MCU: variants seen among roughly 807,000 people sequenced by gnomAD.
MCU encodes the protein calcium uniporter protein, mitochondrial.
In MCU, 12 loss-of-function variants were observed where a neutral mutation model predicts 45.2. The observed-to-expected ratio is 0.27, with a 90% CI of 0.17 to 0.43. The LOEUF is 0.43. MCU is among the 20% of genes least tolerant of loss of function. The probability of loss-of-function intolerance (pLI) is 1.00; values close to 1 mark genes in which losing one functional copy is unlikely to be tolerated. For missense variants in MCU, 324 were observed against 436.7 expected (o/e 0.74, Z 2.30); for synonymous variants, 160 against 165.1 (o/e 0.97, Z 0.24).
intron 1 of MCU, among the ~76,000 whole-genome samples, chr10:72,771,591 C>T (rs531822106): frequency 6.6e-6 from 1 of 152,198 alleles, no homozygotes; most frequent in South Asian, 2.1e-4. Flanking sequence ...TTGGTGGACA[C>T]CTTTTTTGTT....
At position 72,868,715 on chromosome 10, in the gene MCU, A is replaced by C. The variant is rs377256530; in HGVS notation, c.509A>C (p.His170Pro). The C allele has an allele frequency of 6.2e-7, 1 of 1,613,194 alleles. No homozygotes were observed. Among genetic ancestry groups the C allele is most frequent in the African/African-American group, 1.3e-5 (1 of 74,876 alleles). Residue 170 changes from histidine to proline, a missense_variant, in exon 5 of 8, where the codon CAT becomes CCT. His to Pro is a moderately conservative substitution (Grantham distance 77). Transcript: ENST00000373053. ...ACTTTTGTTTCAGACCTCTTAAGTC[A>C]TGAAAATGCAGCAACGCTGAATGAT... is the stretch of plus-strand genomic sequence containing the variant. ...VRPPKRDLLS[H>P]ENAATLNDVK...
At chr10:72,703,435 C>G (rs139531054) in intron 1 of MCU, among the ~76,000 whole-genome samples, 1 of 152,330 alleles carries the variant, frequency 6.6e-6, no homozygotes, top group Non-Finnish European at 1.5e-5. Context: ...GCTTCAGATC[C>G]TGTCTCTTAA....
At chr10:72,869,940 A>C (rs1308987628) in intron 5 of MCU, among the ~76,000 whole-genome samples, 1 of 152,194 alleles carries the variant, frequency 6.6e-6, no homozygotes, top group African/African-American at 2.4e-5. Context: ...TGTGCATACT[A>C]TGATCCAATT....
At chr10:72,881,481 G>A (rs555482372) in intron 6 of MCU, among the ~76,000 whole-genome samples, 2 of 152,230 alleles carry the variant, frequency 1.3e-5, no homozygotes, top group African/African-American at 4.8e-5. Context: ...TTGAACCCAG[G>A]AGTTTGAGGC....
intron 2 of MCU, among the ~76,000 whole-genome samples, chr10:72,856,625 T>TA (rs1845293945): frequency 6.6e-6 from 1 of 152,030 alleles, no homozygotes; most frequent in Admixed American, 6.6e-5. Context: ...TTTTGACTCT[T>TA]ACTTTATTTT....
intron 2 of MCU, among the ~76,000 whole-genome samples, chr10:72,840,318 C>T (rs1414068983): frequency 3.3e-5 from 5 of 152,152 alleles, no homozygotes; most frequent in African/African-American, 1.2e-4. Context: ...TGTTTATTAA[C>T]CATTCAGATA....
intron 2 of MCU, among the ~76,000 whole-genome samples, chr10:72,855,948 C>T (rs1156386619): frequency 6.6e-6 from 1 of 152,060 alleles, no homozygotes; most frequent in Non-Finnish European, 1.5e-5. Context: ...TGCAAATAAT[C>T]ATAAAAGCTT....
chr10:72,712,781 ATC>A (rs1278260105), intron 1 of MCU, among the ~76,000 whole-genome samples: 1 of 152,158 alleles, frequency 6.6e-6, no homozygotes, highest in Non-Finnish European at 1.5e-5. Context: ...TAAAAAGACA[ATC>A]TCTGATAAAA....
chr10:72,698,633 T>C (rs2132645649), intron 1 of MCU, among the ~76,000 whole-genome samples: 1 of 152,164 alleles, frequency 6.6e-6, no homozygotes, highest in Admixed American at 6.5e-5. Flanking sequence ...GCCTCCCGAG[T>C]AGATGGGGCT....
intron 6 of MCU, among the ~76,000 whole-genome samples, chr10:72,878,111 C>CTTTTTTTTT (rs10715401): frequency 2.6e-5 from 2 of 77,952 alleles, no homozygotes; most frequent in Non-Finnish European, 4.6e-5. Flanking sequence ...AATAATTTTG[C>CTTTTTTTTT]TTTTTTTTTT....
chr10:72,692,325 C>G, intron 1 of MCU, 24 bp downstream of exon 1: 1 of 1,200,816 alleles, frequency 8.3e-7, no homozygotes, highest in Non-Finnish European at 1.0e-6. Flanking sequence ...CCCGGAGGCT[C>G]CGGGGAGGGC....
At chr10:72,707,886 C>A (rs1297946861) in intron 1 of MCU, among the ~76,000 whole-genome samples, 3 of 151,922 alleles carry the variant, frequency 2.0e-5, no homozygotes, top group African/African-American at 4.8e-5. Context: ...GTTGTCCAGA[C>A]TGGTCTTGAA....
intron 1 of MCU, among the ~76,000 whole-genome samples, chr10:72,760,906 A>T (rs1041238475): frequency 6.6e-5 from 10 of 151,936 alleles, no homozygotes; most frequent in African/African-American, 2.4e-4. Flanking sequence ...CCAAGATCTT[A>T]CAATTAGTAA....
At chr10:72,855,179 C>T (rs1845268770) in intron 2 of MCU, among the ~76,000 whole-genome samples, 1 of 151,978 alleles carries the variant, frequency 6.6e-6, no homozygotes, top group Non-Finnish European at 1.5e-5. Flanking sequence ...GTGGAGGTTG[C>T]AGTGAGCCAA....
rs1182732766 is a variant in MCU at position 72,886,569 on chromosome 10, G to A, written c.*747G>A. On this transcript the variant is annotated 3_prime_UTR_variant, in exon 8 of 8. Coordinates refer to ENST00000373053, the MANE Select transcript of MCU (RefSeq NM_138357.3). ...TTTATTAATTAGTCTTTCACAGGAGGAATAATTGCCCTCCTTTATATACTT... is the reference window on the plus strand; with the variant it reads ...TTTATTAATTAGTCTTTCACAGGAGAAATAATTGCCCTCCTTTATATACTT... 1 of 152,280 alleles carries A rather than the reference G, an allele frequency of 6.6e-6. No homozygotes were observed. The highest frequency in any genetic ancestry group is 1.5e-5 in the Non-Finnish European group (1 of 68,022). The allele number at this position is 152,280 out of a possible 1,614,324, so 9.4% of individuals were successfully genotyped here.
At chr10:72,718,830 A>G (rs1461067181) in intron 1 of MCU, among the ~76,000 whole-genome samples, 1 of 152,236 alleles carries the variant, frequency 6.6e-6, no homozygotes, top group East Asian at 1.9e-4. Flanking sequence ...AACTACATAT[A>G]AAAATGCATG....
In MCU at chr10:72,862,351, A is replaced by G. The variant is rs141983207; in HGVS notation, c.496+1824A>G. 3.9e-4 allele frequency among the ~76,000 whole-genome samples: 60 copies of G among 152,154 alleles called. 1 individual carries two copies. In the East Asian group the frequency reaches 6.6e-3, roughly 17 times the overall value. ...TCATTGTAACTCACTGCTGTTGTTA[A>G]TGCCCCTTCCACCACTCCTTCCACC... On this transcript the variant is annotated intron_variant, in intron 4 of 7. Transcript: ENST00000373053.
At position 72,876,962 on chromosome 10, in the gene MCU, C is replaced by G. The variant is rs143117336; in HGVS notation, c.861+5382C>G. 2.9e-3 allele frequency among the ~76,000 whole-genome samples: 431 copies of G among 148,700 alleles called. 2 individuals are homozygous for G. Among genetic ancestry groups the G allele is most frequent in the African/African-American group, 9.9e-3 (405 of 40,800 alleles). On this transcript the variant is annotated intron_variant, in intron 6 of 7. Coordinates refer to ENST00000373053, the MANE Select transcript of MCU (RefSeq NM_138357.3). ...TTTGAGACAGGGTTTTACTCTGTCT[C>G]CTAGGCTAGAATGCAGTGGCATAAT...
intron 1 of MCU, among the ~76,000 whole-genome samples, chr10:72,763,210 G>T (rs1432434768): frequency 1.3e-5 from 2 of 152,184 alleles, no homozygotes; most frequent in Non-Finnish European, 2.9e-5. Flanking sequence ...CATCTGTAAA[G>T]TTCCTTTTGC....
Sources: gnomAD v4.1 joint callset for allele counts (sites outside exome capture counted in the v4.1 genomes callset) on GRCh38, gnomAD v4.1.1 for gene constraint, MANE v1.5 for transcripts, NCBI Gene and HGNC (gene_info 2026-07-23, HGNC 2026-07-21) for gene names.